GPC5: variants seen among roughly 807,000 people sequenced by gnomAD.
GPC5 encodes the protein glypican 5.
A neutral mutation model predicts 53.9 loss-of-function variants in GPC5; 47 were observed. That is an observed-to-expected ratio of 0.87 (90% confidence interval 0.69 to 1.11). The LOEUF (loss-of-function observed/expected upper bound fraction) is 1.11, where lower values mean the gene tolerates loss of function less well. Ranked by LOEUF, GPC5 falls within the 50% of genes most tolerant of loss-of-function variation. GPC5 has a pLI of 0.00. For synonymous variants in GPC5, 286 were observed against 263.3 expected (o/e 1.09, Z -0.84); for missense variants, 748 against 713.1 (o/e 1.05, Z -0.56).
chr13:91,961,756 C>G (rs1020563833), intron 6 of GPC5, among the ~76,000 whole-genome samples: 7 of 151,926 alleles, frequency 4.6e-5, no homozygotes, highest in East Asian at 1.9e-4. Context: ...ATCTCACTAG[C>G]GTAATACTGA....
At chr13:91,497,061 G>A (rs901437967) in intron 2 of GPC5, among the ~76,000 whole-genome samples, 4 of 151,006 alleles carry the variant, frequency 2.6e-5, no homozygotes, top group Non-Finnish European at 5.9e-5. Flanking sequence ...CTTTTTTCCT[G>A]TCCTCTAAGT....
chr13:92,853,435 T>A (rs557540084), intron 7 of GPC5, among the ~76,000 whole-genome samples: 171 of 152,278 alleles, frequency 1.1e-3, no homozygotes, highest in African/African-American at 4.0e-3. Flanking sequence ...ATAGGATATA[T>A]AGGGTTTGTC....
chr13:92,059,600 G>A (rs1200695138), intron 6 of GPC5, among the ~76,000 whole-genome samples: 1 of 151,478 alleles, frequency 6.6e-6, no homozygotes, highest in Non-Finnish European at 1.5e-5. Context: ...GTCAATACCT[G>A]ATGTCATTTA....
chr13:92,150,733 G>C (rs1272942229), intron 7 of GPC5, among the ~76,000 whole-genome samples: 1 of 151,936 alleles, frequency 6.6e-6, no homozygotes, highest in Non-Finnish European at 1.5e-5. Context: ...ATTAATTAAG[G>C]CTTAGAGGAG....
At chr13:92,783,814 C>A (rs1482293712) in intron 7 of GPC5, among the ~76,000 whole-genome samples, 4 of 152,058 alleles carry the variant, frequency 2.6e-5, no homozygotes, top group Non-Finnish European at 5.9e-5. Flanking sequence ...CAACCCTGGG[C>A]TCTTTAGAGA....
chr13:91,900,251 C>A (rs1372756661), intron 5 of GPC5, among the ~76,000 whole-genome samples: 8 of 152,030 alleles, frequency 5.3e-5, no homozygotes, highest in Non-Finnish European at 8.8e-5. Context: ...TACTCTAAAT[C>A]ATTTTGTTGT....
chr13:92,139,666 CAAAA>C (rs5805729), intron 6 of GPC5, among the ~76,000 whole-genome samples: 5 of 94,150 alleles, frequency 5.3e-5, no homozygotes, highest in South Asian at 3.8e-4. Flanking sequence ...GATTCCGTCT[CAAAA>C]AAAAAAAAAA....
intron 5 of GPC5, among the ~76,000 whole-genome samples, chr13:91,887,995 G>C (rs2039343850): frequency 6.6e-6 from 1 of 152,174 alleles, no homozygotes; most frequent in Non-Finnish European, 1.5e-5. Context: ...GTTAATGGCA[G>C]TACCCTACTC....
intron 2 of GPC5, among the ~76,000 whole-genome samples, chr13:91,663,652 C>T (rs1344799006): frequency 6.6e-6 from 1 of 151,486 alleles, no homozygotes. Flanking sequence ...TTTGTAAAGA[C>T]TGGGTCTCAC....
intron 5 of GPC5, among the ~76,000 whole-genome samples, chr13:91,831,639 G>A (rs950515372): frequency 3.3e-5 from 5 of 151,612 alleles, no homozygotes; most frequent in Non-Finnish European, 7.4e-5. Context: ...TGGTTCTGGA[G>A]AATGATGACT....
intron 6 of GPC5, among the ~76,000 whole-genome samples, chr13:92,012,425 T>A (rs1297886546): frequency 1.3e-5 from 2 of 152,182 alleles, no homozygotes; most frequent in South Asian, 4.1e-4. Flanking sequence ...CTGATTTTTT[T>A]AAAAAAGAAT....
chr13:92,354,559 T>C (rs1164162119), intron 7 of GPC5, among the ~76,000 whole-genome samples: 2 of 152,232 alleles, frequency 1.3e-5, no homozygotes, highest in Non-Finnish European at 2.9e-5. Flanking sequence ...ATTCTAGTCA[T>C]TGATGCTGGC....
intron 1 of GPC5, among the ~76,000 whole-genome samples, chr13:91,436,502 G>T (rs1445526443): frequency 5.9e-5 from 9 of 152,008 alleles, no homozygotes; most frequent in African/African-American, 1.5e-4. Flanking sequence ...AGGTTTTGAG[G>T]GAGTTTCTTA....
intron 1 of GPC5, among the ~76,000 whole-genome samples, chr13:91,405,342 G>A (rs1374491139): frequency 6.6e-6 from 1 of 152,080 alleles, no homozygotes. Context: ...CCACCAAGTC[G>A]TGATGACCAA....
chr13:92,681,523 T>G (rs546608311), intron 7 of GPC5, among the ~76,000 whole-genome samples: 22 of 152,078 alleles, frequency 1.4e-4, no homozygotes, highest in Non-Finnish European at 5.9e-5. Context: ...TACACGACTA[T>G]CAGGGCTGTG....
chr13:92,295,458 G>A (rs2043028007), intron 7 of GPC5, among the ~76,000 whole-genome samples: 1 of 152,028 alleles, frequency 6.6e-6, no homozygotes, highest in African/African-American at 2.4e-5. Flanking sequence ...CTTGAAGAAA[G>A]TGCCATGTGG....
intron 6 of GPC5, among the ~76,000 whole-genome samples, chr13:91,934,070 G>T (rs1289909580): frequency 2.0e-5 from 3 of 151,726 alleles, no homozygotes; most frequent in Non-Finnish European, 4.4e-5. Flanking sequence ...ATAAGTCTTA[G>T]GATTTAAAAG....
intron 2 of GPC5, among the ~76,000 whole-genome samples, chr13:91,465,177 T>G (rs1353892538): frequency 6.6e-6 from 1 of 152,170 alleles, no homozygotes; most frequent in African/African-American, 2.4e-5. Context: ...CTTGCTTTCT[T>G]GATCTCATTC....
intron 7 of GPC5, among the ~76,000 whole-genome samples, chr13:92,635,746 A>G (rs1409815322): frequency 6.6e-6 from 1 of 152,218 alleles, no homozygotes; most frequent in Non-Finnish European, 1.5e-5. Context: ...CCCTTTATCA[A>G]TTGTAGATAA....
Sources: allele counts gnomAD v4.1 joint callset (sites outside exome capture counted in the v4.1 genomes callset), GRCh38; gene constraint gnomAD v4.1.1; transcripts MANE v1.5; gene names NCBI Gene and HGNC (gene_info 2026-07-23, HGNC 2026-07-21).